The following SYCP2 variants were observed in gnomAD, a reference collection of about 807,000 sequenced individuals.
SYCP2 encodes the protein synaptonemal complex protein 2, also known as synaptonemal complex lateral element protein.
SYCP2 carries 55 observed loss-of-function variants against 211.3 expected under a neutral mutation model. The observed-to-expected ratio is 0.26, with a 90% CI of 0.21 to 0.33. The LOEUF (loss-of-function observed/expected upper bound fraction) is 0.33. Ranked by LOEUF, SYCP2 falls within the 10% of genes least tolerant of loss-of-function variation. The pLI is 1.00. For missense variants in SYCP2, 1,731 were observed against 1,752.0 expected, an observed-to-expected ratio of 0.99 and a Z score of 0.21; for synonymous variants, 570 against 555.2, an observed-to-expected ratio of 1.03 and a Z score of -0.37.
chr20:59,865,359 T>C, intron 44 of SYCP2, 29 bp downstream of exon 44: 2 of 1,555,576 alleles, frequency 1.3e-6, no homozygotes, highest in Non-Finnish European at 1.8e-6. Context: ...AAAGTATGAT[T>C]ATCCCATTTT....
chr20:59,884,569 T>G (rs1357586733), intron 26 of SYCP2, among the ~76,000 whole-genome samples: 1 of 152,030 alleles, frequency 6.6e-6, no homozygotes, highest in Non-Finnish European at 1.5e-5. Flanking sequence ...TTCCGTTATT[T>G]TATATAGACG....
chr20:59,918,556 G>C (rs2060484030), intron 7 of SYCP2, among the ~76,000 whole-genome samples: 1 of 152,152 alleles, frequency 6.6e-6, no homozygotes, highest in South Asian at 2.1e-4. Context: ...TCAATTGGAA[G>C]TGATTAATTT....
chr20:59,873,886 A>T lies in SYCP2; in HGVS notation c.3525T>A (p.Ser1175Arg), dbSNP rs2059503209. The T allele has an allele frequency of 6.2e-7, 1 of 1,612,392 alleles. No homozygotes were observed. Among genetic ancestry groups the T allele is most frequent in the Admixed American group, 1.7e-5 (1 of 59,744 alleles). The part of the protein sequence containing the change: ...NEKNFLCASE[S>R]CSPIPRPLFL... ...ACAGTGGTCGTGGAATTGGTGAACAACTTTCACTTGCACACAGGAAGTTTT... is the reference window on the plus strand; with the variant it reads ...ACAGTGGTCGTGGAATTGGTGAACATCTTTCACTTGCACACAGGAAGTTTT... Residue 1175 changes from serine to arginine, a missense_variant, in exon 35 of 45, where the codon AGT (serine) becomes AGA (arginine). Physicochemically the swap from Ser to Arg is moderately radical, Grantham distance 110. Around this residue, in one of 3 missense-constraint regions of SYCP2, gnomAD observed 1,387 missense variants for 1,351.3 expected, o/e 1.03. Transcript: ENST00000357552.
intron 5 of SYCP2, 137 bp downstream of exon 5, chr20:59,920,222 T>C (rs2060515700): frequency 1.4e-6 from 1 of 733,858 alleles, no homozygotes; most frequent in East Asian, 2.8e-5. Flanking sequence ...ATATCACAAG[T>C]TATAGAAATG....
intron 2 of SYCP2, among the ~76,000 whole-genome samples, chr20:59,931,476 T>G (rs528925238): frequency 2.0e-5 from 3 of 150,036 alleles, no homozygotes; most frequent in African/African-American, 4.8e-5. Flanking sequence ...GACTATTTTA[T>G]TTTACAATGT....
intron 31 of SYCP2, among the ~76,000 whole-genome samples, chr20:59,879,799 G>A (rs1430470273): frequency 1.5e-5 from 2 of 134,354 alleles, no homozygotes; most frequent in African/African-American, 5.4e-5. Context: ...GCAAGAAGAT[G>A]GGATATTTAG....
chr20:59,925,325 C>T (rs1397887308), intron 2 of SYCP2, among the ~76,000 whole-genome samples: 1 of 152,034 alleles, frequency 6.6e-6, no homozygotes, highest in Non-Finnish European at 1.5e-5. Context: ...TCCTATGCAA[C>T]AAACCTGCAC....
Position 59,914,115 on chromosome 20 carries a change from A to G in SYCP2, c.771T>C (p.Phe257=). The change falls in exon 11 of 45, where the codon TTT becomes TTC. Residue 257 remains phenylalanine (F), a synonymous_variant. Transcript: ENST00000357552. The stretch of plus-strand genomic sequence containing the variant: ...TTATTGTTATACAACTTACTGTTTC[A>G]AATTCAGAGTCCTTAATTCTTTTAA... ...KAFKRIKDSE[F]ETDCRIFLNL... 2 of 1,597,250 alleles carry G rather than the reference A, an allele frequency of 1.3e-6. No homozygotes were observed. Among genetic ancestry groups the G allele is most frequent in the Middle Eastern group, 1.7e-4 (1 of 5,974 alleles).
chr20:59,866,560 A>G lies in SYCP2; in HGVS notation c.4155T>C (p.Thr1385=). 6.2e-7 allele frequency: 1 copy of G among 1,601,894 alleles called. No individual in the cohort carries two copies. The highest frequency in any genetic ancestry group is 8.5e-7 in the Non-Finnish European group (1 of 1,175,816). The change falls in exon 40 of 45, where the codon ACT becomes ACC. Residue 1385 remains threonine (T), a synonymous_variant. Coordinates refer to ENST00000357552, the MANE Select transcript of SYCP2 (RefSeq NM_014258.4). ...GCTGAGCTGTTTTCCAAGACTGCGT[A>G]GTAAAATAACTCAACATTTTATGTC... ...NIRHKMLSYF[T]TQSWKTAQQH... is the part of the protein sequence containing the mutation.
chr20:59,880,872 A>G, intron 30 of SYCP2, 94 bp downstream of exon 30: 4 of 627,156 alleles, frequency 6.4e-6, no homozygotes, highest in South Asian at 5.6e-5. Context: ...AAAACAATCA[A>G]AATGTTTTTG....
At chr20:59,919,698 C>G (rs2060505357) in intron 5 of SYCP2, 101 bp from the exon 6 acceptor site, 1 of 598,998 alleles carries the variant, frequency 1.7e-6, no homozygotes. Flanking sequence ...AAAGACACAT[C>G]AAAATTAAAA....
rs750071645 is a variant in SYCP2 at position 59,877,989 on chromosome 20, C to A, written c.2979+19G>T. The A allele has an allele frequency of 6.3e-7, 1 of 1,580,930 alleles. No individual in the cohort carries two copies. Among genetic ancestry groups the A allele is most frequent in the Non-Finnish European group, 8.6e-7 (1 of 1,160,160 alleles). ...AAATAATTTTAAAGGGATGTTTGAACACAAACTTCTTGGCTTACCATTTTA... is the reference window on the plus strand; with the variant it reads ...AAATAATTTTAAAGGGATGTTTGAAAACAAACTTCTTGGCTTACCATTTTA... On this transcript the variant is annotated intron_variant, in intron 32 of 44. Coordinates refer to ENST00000357552, the MANE Select transcript of SYCP2 (RefSeq NM_014258.4).
chr20:59,925,787 A>C (rs1434998775), intron 2 of SYCP2, among the ~76,000 whole-genome samples: 1 of 152,018 alleles, frequency 6.6e-6, no homozygotes, highest in Non-Finnish European at 1.5e-5. Context: ...ACTGCTCCCA[A>C]ATGCATGTAG....
chr20:59,876,369 CAAAAAAAAAAAAAAAAAAAAAAAAAAA>C (rs765782164), intron 33 of SYCP2, among the ~76,000 whole-genome samples: 44 of 23,092 alleles, frequency 1.9e-3, no homozygotes, highest in East Asian at 5.7e-3. Context: ...GGCTGTGTCT[CAAAAAAAAAAAAAAAAAAAAAAAAAAA>C]AAAAAAAAAA....
chr20:59,880,478 A>AATAT lies in SYCP2; in HGVS notation c.2773-8_2773-7insATAT. On this transcript the variant is annotated splice_region_variant and splice_polypyrimidine_tract_variant and intron_variant, in intron 30 of 44. Coordinates refer to ENST00000357552, the MANE Select transcript of SYCP2 (RefSeq NM_014258.4). ...TTTGATGATTTGTTATAATCTATAA[A>AATAT]AAAAAGTTTGAAATGCATGAAGAAA... 1 of 1,523,368 alleles carries AATAT rather than the reference A, an allele frequency of 6.6e-7. No individual in the cohort carries two copies. Among genetic ancestry groups the AATAT allele is most frequent in the Non-Finnish European group, 8.9e-7 (1 of 1,129,000 alleles). 94.4% of individuals were successfully genotyped at this position (1,523,368 alleles called of 1,614,324 possible).
At chr20:59,907,044 G>A (rs1386317945) in intron 15 of SYCP2, among the ~76,000 whole-genome samples, 1 of 152,124 alleles carries the variant, frequency 6.6e-6, no homozygotes, top group African/African-American at 2.4e-5. Context: ...TGCAGTTCCA[G>A]TTATAGGATT....
At chr20:59,866,255 G>T (rs1600794398) in intron 41 of SYCP2, 38 bp downstream of exon 41, 7 of 1,368,706 alleles carry the variant, frequency 5.1e-6, no homozygotes, top group Non-Finnish European at 1.0e-6. Context: ...TAAAAATAAG[G>T]TTTTAAACTT....
chr20:59,873,729 C>G (rs899981851), intron 35 of SYCP2, 127 bp downstream of exon 35: 2 of 712,434 alleles, frequency 2.8e-6, no homozygotes, highest in Non-Finnish European at 2.3e-6. Flanking sequence ...CCCTCTCCCC[C>G]AAGACCCTAG....
rs183197926 is a variant in SYCP2, at chr20:59,924,576, C to T, written c.-46-2117G>A. On this transcript the variant is annotated intron_variant, in intron 2 of 44. Coordinates refer to ENST00000357552, the MANE Select transcript of SYCP2 (RefSeq NM_014258.4). The stretch of plus-strand genomic sequence containing the variant: ...TGCCTGTATCAAAACATCTTACATA[C>T]TCCATTGACACCTACTATGTACCCA... Among the ~76,000 whole-genome samples the T allele has an allele frequency of 3.3e-3, 508 of 151,970 alleles. 4 individuals are homozygous for T. Among genetic ancestry groups the T allele is most frequent in the Non-Finnish European group, 5.9e-3 (398 of 67,882 alleles).
Sources: allele counts gnomAD v4.1 joint callset (sites outside exome capture counted in the v4.1 genomes callset), GRCh38; gene constraint gnomAD v4.1.1; regional missense constraint gnomAD v4.1.1; transcripts MANE v1.5; gene names NCBI Gene and HGNC (gene_info 2026-07-23, HGNC 2026-07-21).